Variants in TMEM150C observed in about 807,000 individuals in gnomAD.
The protein encoded by TMEM150C is transmembrane protein 150C, also known as tentonin 3.
A neutral mutation model predicts 29.9 loss-of-function variants in TMEM150C; 10 were observed. That is an observed-to-expected ratio of 0.33 (90% CI 0.21 to 0.57). The LOEUF is 0.57. Ranked by LOEUF, TMEM150C falls within the 20% of genes least tolerant of loss-of-function variation. TMEM150C has a pLI of 0.88. For missense variants in TMEM150C, 251 were observed against 303.6 expected (o/e 0.83, Z 1.29); for synonymous variants, 101 against 112.5 (o/e 0.90, Z 0.64).
At chr4:82,505,432 T>C (rs1032286180) in intron 1 of TMEM150C, among the ~76,000 whole-genome samples, 1 of 152,232 alleles carries the variant, frequency 6.6e-6, no homozygotes, top group Non-Finnish European at 1.5e-5. Context: ...AGGTTAGGAC[T>C]TTCGCTAGAA....
At chr4:82,547,235 A>G (rs1338822594) in intron 1 of TMEM150C, among the ~76,000 whole-genome samples, 2 of 152,080 alleles carry the variant, frequency 1.3e-5, no homozygotes, top group African/African-American at 4.8e-5. Context: ...TGAGCAAAAG[A>G]CATGAACACA....
intron 1 of TMEM150C, among the ~76,000 whole-genome samples, chr4:82,533,346 C>T (rs1008325178): frequency 6.6e-6 from 1 of 152,104 alleles, no homozygotes; most frequent in East Asian, 1.9e-4. Context: ...ATCAATTATG[C>T]TCAAATATGG....
At chr4:82,541,841 C>T (rs936678052) in intron 1 of TMEM150C, among the ~76,000 whole-genome samples, 14 of 152,100 alleles carry the variant, frequency 9.2e-5, no homozygotes, top group African/African-American at 3.4e-4. Context: ...ACTTACGGTT[C>T]TCATAAAAAG....
intron 1 of TMEM150C, among the ~76,000 whole-genome samples, chr4:82,516,825 G>A (rs77605501): frequency 0.08 from 12,229 of 152,198 alleles, 610 homozygotes; most frequent in African/African-American, 0.14. Flanking sequence ...ATTACTTTAC[G>A]CTGATGACTT....
intron 6 of TMEM150C, chr4:82,491,082 C>A (rs1723327970): frequency 1.4e-6 from 1 of 711,594 alleles, no homozygotes. Flanking sequence ...GATAATGCAG[C>A]AAGAGACCCC....
chr4:82,514,188 A>C (rs1313469592), intron 1 of TMEM150C, among the ~76,000 whole-genome samples: 1 of 152,234 alleles, frequency 6.6e-6, no homozygotes, highest in East Asian at 1.9e-4. Context: ...ACCAGAGTCT[A>C]GTCAGGCAAG....
At chr4:82,511,472 A>ATTTTT (rs397935719) in intron 1 of TMEM150C, among the ~76,000 whole-genome samples, 2,892 of 106,226 alleles carry the variant, frequency 0.027, 253 homozygotes, top group African/African-American at 0.092. Flanking sequence ...TCCCAACACT[A>ATTTTT]TTTTTTTTTT....
chr4:82,546,212 C>T (rs1305345503), intron 1 of TMEM150C, among the ~76,000 whole-genome samples: 1 of 152,124 alleles, frequency 6.6e-6, no homozygotes, highest in Non-Finnish European at 1.5e-5. Context: ...AATGTCATTT[C>T]CCACAGAACT....
At chr4:82,491,043 A>T (rs570945744) in intron 6 of TMEM150C, 1 of 731,920 alleles carries the variant, frequency 1.4e-6, no homozygotes, top group African/African-American at 1.7e-5. Context: ...CTTCCTGTGG[A>T]CTAGACGTCC....
At chr4:82,498,854 A>G (rs1174983624) in intron 5 of TMEM150C, among the ~76,000 whole-genome samples, 2 of 152,324 alleles carry the variant, frequency 1.3e-5, no homozygotes, top group South Asian at 2.1e-4. Context: ...TAGCTGTCCT[A>G]TTTGTAATAT....
At chr4:82,509,884 G>A (rs6838708) in intron 1 of TMEM150C, 2 of 152,232 alleles carry the variant, frequency 1.3e-5, no homozygotes, top group South Asian at 2.1e-4. Context: ...AAAACAGATA[G>A]TTTGTACAGT....
At position 82,502,701 on chromosome 4, in the gene TMEM150C, T is replaced by C. The variant is rs376240849; in HGVS notation, c.235+26A>G. The C allele has an allele frequency of 5.0e-6, 8 of 1,594,302 alleles. No individual in the cohort carries two copies. The Admixed American group carries it at 6.9e-5, about 14-fold the overall frequency. ...TACAAAAGAAATGTACCAAAGCACA[T>C]AAAGCGTTCTTTACCCTCTTCTTAC... On this transcript the variant is annotated intron_variant, in intron 5 of 7. Coordinates refer to ENST00000449862, the MANE Select transcript of TMEM150C (RefSeq NM_001080506.3).
At chr4:82,518,344 C>A (rs1371445612) in intron 1 of TMEM150C, among the ~76,000 whole-genome samples, 2 of 151,900 alleles carry the variant, frequency 1.3e-5, no homozygotes, top group African/African-American at 4.8e-5. Flanking sequence ...AAAGTAGTGA[C>A]CGGCATGAGC....
intron 1 of TMEM150C, among the ~76,000 whole-genome samples, chr4:82,548,694 GA>G (rs1268053464): frequency 1.3e-5 from 2 of 152,194 alleles, no homozygotes; most frequent in East Asian, 3.8e-4. Flanking sequence ...ATTGGTACAG[GA>G]AACCAGGGAG....
At position 82,504,649 on chromosome 4, in the gene TMEM150C, C is replaced by A; in HGVS notation, c.9G>T (p.Gly3=). Residue 3 remains glycine (G), a synonymous_variant, in exon 2 of 8, where the codon GGG becomes GGT. Transcript: ENST00000449862. MD[G]KKCSVWMFLP... ...GGAACATCCATACGCTGCATTTCTTCCCATCCATGCCTGTACCACTGAAAT... is the reference window on the plus strand; with the variant it reads ...GGAACATCCATACGCTGCATTTCTTACCATCCATGCCTGTACCACTGAAAT... 1 of 1,613,044 alleles carries A rather than the reference C, an allele frequency of 6.2e-7. No individual in the cohort carries two copies. Among genetic ancestry groups the A allele is most frequent in the Non-Finnish European group, 8.5e-7 (1 of 1,179,198 alleles).
intron 6 of TMEM150C, among the ~76,000 whole-genome samples, chr4:82,494,498 G>A (rs1041620398): frequency 6.6e-6 from 1 of 152,146 alleles, no homozygotes; most frequent in African/African-American, 2.4e-5. Flanking sequence ...CTTTTATCCA[G>A]TAAGGATGTT....
upstream of TMEM150C, chr4:82,562,026 C>T (rs1386230382): frequency 3.5e-6 from 4 of 1,155,502 alleles, no homozygotes; most frequent in Non-Finnish European, 4.3e-6. Flanking sequence ...ATCTGCTCAC[C>T]CGCCCGCCCG....
intron 1 of TMEM150C, among the ~76,000 whole-genome samples, chr4:82,515,403 A>G (rs1463860904): frequency 6.6e-6 from 1 of 152,184 alleles, no homozygotes; most frequent in Non-Finnish European, 1.5e-5. Flanking sequence ...TATAGATGAC[A>G]GTGAGGTGAT....
intron 5 of TMEM150C, 83 bp downstream of exon 5, chr4:82,502,644 T>C (rs915755145): frequency 1.9e-5 from 25 of 1,337,752 alleles, no homozygotes; most frequent in Middle Eastern, 1.8e-4. Flanking sequence ...AAGCCCCCCA[T>C]TGTTTTGACA....
Sources: gnomAD v4.1 joint callset for allele counts (sites outside exome capture counted in the v4.1 genomes callset) on GRCh38, gnomAD v4.1.1 for gene constraint, MANE v1.5 for transcripts, NCBI Gene and HGNC (gene_info 2026-07-23, HGNC 2026-07-21) for gene names.